The following SPAG16 variants were observed in gnomAD, a reference collection of about 807,000 sequenced individuals.
The protein encoded by SPAG16 is sperm-associated antigen 16 protein.
A neutral mutation model predicts 80.4 loss-of-function variants in SPAG16; 86 were observed. That is an observed-to-expected ratio of 1.07 (90% CI 0.90 to 1.28). The LOEUF is 1.28. Among genes scored for constraint, SPAG16 ranks in the 50% most tolerant of loss-of-function variants. The pLI, the probability that SPAG16 is intolerant of heterozygous loss-of-function variation, is 0.00. For synonymous variants in SPAG16, 294 were observed against 265.9 expected, an observed-to-expected ratio of 1.11 and a Z score of -1.03; for missense variants, 870 against 765.3, an observed-to-expected ratio of 1.14 and a Z score of -1.61.
Position 213,896,593 on chromosome 2 carries a change from C to CTATATATAT in SPAG16, c.1215-33367_1215-33366insTATATATAT, listed in dbSNP as rs1553657365. Among the ~76,000 whole-genome samples the CTATATATAT allele has an allele frequency of 1.3e-3, 154 of 119,774 alleles. 5 individuals carry two copies. Among genetic ancestry groups the CTATATATAT allele is most frequent in the Admixed American group, 2.9e-3 (36 of 12,342 alleles). 78.6% of individuals were successfully genotyped at this position (119,774 alleles called of 152,430 possible). On this transcript the variant is annotated intron_variant, in intron 11 of 15. Transcript: ENST00000331683. ...AATGTGATATATACACACACACACG[C>CTATATATAT]ACACACACACACACACACACACATA...
intron 15 of SPAG16, among the ~76,000 whole-genome samples, chr2:214,258,471 G>GTGTATATATATATATATA (rs1553539128): frequency 7.1e-6 from 1 of 141,416 alleles, no homozygotes; most frequent in Non-Finnish European, 1.5e-5. Flanking sequence ...ATGTGTGTGT[G>GTGTATATATATATATATA]TATATATATA....
At chr2:214,362,454 A>AACTT in intron 15 of SPAG16, among the ~76,000 whole-genome samples, 1 of 152,040 alleles carries the variant, frequency 6.6e-6, no homozygotes, top group Non-Finnish European at 1.5e-5. Context: ...ATATCAGTAT[A>AACTT]ACTTTATCTA....
At chr2:213,908,929 C>T (rs140777965) in intron 11 of SPAG16, among the ~76,000 whole-genome samples, 2 of 151,752 alleles carry the variant, frequency 1.3e-5, no homozygotes, top group Admixed American at 1.3e-4. Context: ...CCTCCTCCCC[C>T]CCACCACACA....
At chr2:214,203,453 AG>A (rs901365605) in intron 15 of SPAG16, among the ~76,000 whole-genome samples, 2 of 152,176 alleles carry the variant, frequency 1.3e-5, no homozygotes, top group Non-Finnish European at 2.9e-5. Context: ...TGAAGGAAGC[AG>A]AGCTGCTGCA....
intron 10 of SPAG16, among the ~76,000 whole-genome samples, chr2:213,574,477 C>T (rs2060044383): frequency 6.6e-6 from 1 of 151,830 alleles, no homozygotes; most frequent in Non-Finnish European, 1.5e-5. Flanking sequence ...TGGTGTTGGG[C>T]AGGGAGGAAA....
At chr2:214,248,750 G>A (rs1205116845) in intron 15 of SPAG16, among the ~76,000 whole-genome samples, 1 of 152,130 alleles carries the variant, frequency 6.6e-6, no homozygotes, top group African/African-American at 2.4e-5. Flanking sequence ...AAGGAGAGAA[G>A]CAATTGATAC....
At chr2:213,723,709 G>A (rs1442625651) in intron 10 of SPAG16, among the ~76,000 whole-genome samples, 1 of 152,122 alleles carries the variant, frequency 6.6e-6, no homozygotes, top group Non-Finnish European at 1.5e-5. Context: ...AGATTTTTAG[G>A]TTATGAAACA....
chr2:213,933,754 A>G (rs12466024), intron 12 of SPAG16, among the ~76,000 whole-genome samples: 4 of 152,074 alleles, frequency 2.6e-5, no homozygotes, highest in African/African-American at 9.7e-5. Context: ...ATTGTGTCCA[A>G]TACTCTTGTA....
intron 15 of SPAG16, among the ~76,000 whole-genome samples, chr2:214,316,228 G>T (rs1246058982): frequency 6.6e-6 from 1 of 151,472 alleles, no homozygotes; most frequent in African/African-American, 2.4e-5. Flanking sequence ...AGCCTATTGT[G>T]CAGAGTTGCA....
intron 15 of SPAG16, among the ~76,000 whole-genome samples, chr2:214,165,845 C>T (rs955459878): frequency 6.6e-6 from 1 of 151,942 alleles, no homozygotes; most frequent in Non-Finnish European, 1.5e-5. Flanking sequence ...GCCATATTTG[C>T]TACAATTCAA....
chr2:213,909,653 C>T (rs2106160285), intron 11 of SPAG16, among the ~76,000 whole-genome samples: 1 of 152,168 alleles, frequency 6.6e-6, no homozygotes, highest in East Asian at 1.9e-4. Flanking sequence ...ATAAATGGTG[C>T]TGGGAAAACT....
At chr2:214,332,683 A>ATTAG (rs1276931779) in intron 15 of SPAG16, among the ~76,000 whole-genome samples, 1 of 152,174 alleles carries the variant, frequency 6.6e-6, no homozygotes, top group African/African-American at 2.4e-5. Flanking sequence ...AAGTGATCAG[A>ATTAG]TTAGTTAGTT....
chr2:214,361,839 A>C (rs1430257127), intron 15 of SPAG16, among the ~76,000 whole-genome samples: 1 of 151,908 alleles, frequency 6.6e-6, no homozygotes, highest in Non-Finnish European at 1.5e-5. Context: ...ACAGCATTCA[A>C]AAATTCACCT....
chr2:213,831,034 C>CTTTT (rs34523016), intron 10 of SPAG16, among the ~76,000 whole-genome samples: 19 of 80,810 alleles, frequency 2.4e-4, no homozygotes, highest in Non-Finnish European at 2.4e-4. Context: ...TGAAACATGA[C>CTTTT]TTTTTTTTTT....
At chr2:213,507,629 A>G (rs1330837175) in intron 10 of SPAG16, among the ~76,000 whole-genome samples, 3 of 152,206 alleles carry the variant, frequency 2.0e-5, no homozygotes, top group Non-Finnish European at 4.4e-5. Context: ...AACTATGAAT[A>G]TATCTTTAAG....
intron 15 of SPAG16, among the ~76,000 whole-genome samples, chr2:214,245,513 A>G (rs1313066581): frequency 6.6e-6 from 1 of 152,206 alleles, no homozygotes; most frequent in Non-Finnish European, 1.5e-5. Flanking sequence ...AAGAATTAAT[A>G]ATATATTGGC....
chr2:213,469,278 C>G (rs1444084058), intron 9 of SPAG16, among the ~76,000 whole-genome samples: 1 of 152,134 alleles, frequency 6.6e-6, no homozygotes, highest in Admixed American at 6.5e-5. Context: ...AGGAAACGCA[C>G]CAATCCCCAA....
chr2:214,175,409 T>C (rs2057044652), intron 15 of SPAG16, among the ~76,000 whole-genome samples: 1 of 150,516 alleles, frequency 6.6e-6, no homozygotes, highest in African/African-American at 2.4e-5. Context: ...CTGAGTACTG[T>C]CAACATGAGT....
chr2:214,246,659 C>A (rs76617905), intron 15 of SPAG16, among the ~76,000 whole-genome samples: 2 of 152,082 alleles, frequency 1.3e-5, no homozygotes, highest in Non-Finnish European at 2.9e-5. Flanking sequence ...GCAGCTTCAG[C>A]TAATCTCTAA....
Sources: gnomAD v4.1 joint callset for allele counts (sites outside exome capture counted in the v4.1 genomes callset) on GRCh38, gnomAD v4.1.1 for gene constraint, MANE v1.5 for transcripts, NCBI Gene and HGNC (gene_info 2026-07-23, HGNC 2026-07-21) for gene names.